The following CFAP43 variants were observed in gnomAD, a reference collection of about 807,000 sequenced individuals.
CFAP43 encodes the protein cilia and flagella associated protein 43.
Under a neutral mutation model 218.9 loss-of-function variants are expected in CFAP43, and 155 were observed. That is an observed-to-expected ratio of 0.71 (90% CI 0.62 to 0.81). The LOEUF is 0.81. CFAP43 is among the 30% of genes least tolerant of loss of function. The pLI, the probability that CFAP43 is intolerant of heterozygous loss-of-function variation, is 0.00. For synonymous variants in CFAP43, 645 were observed against 681.3 expected, an observed-to-expected ratio of 0.95 and a Z score of 0.83; for missense variants, 1,778 against 1,954.3, an observed-to-expected ratio of 0.91 and a Z score of 1.70.
chr10:104,220,758 G>A (rs928932412), intron 3 of CFAP43, among the ~76,000 whole-genome samples: 3 of 152,076 alleles, frequency 2.0e-5, no homozygotes, highest in Non-Finnish European at 2.9e-5. Context: ...TAACAGCCTC[G>A]ATGTGATAAA....
chr10:104,170,479 G>T (rs924342477), intron 20 of CFAP43, among the ~76,000 whole-genome samples: 2 of 152,096 alleles, frequency 1.3e-5, no homozygotes, highest in African/African-American at 4.8e-5. Context: ...GAAGCGGGCA[G>T]GCACTGAACC....
At chr10:104,220,157 G>A (rs2091137874) in intron 3 of CFAP43, among the ~76,000 whole-genome samples, 1 of 152,224 alleles carries the variant, frequency 6.6e-6, no homozygotes, top group East Asian at 1.9e-4. Context: ...TGGGTGATGT[G>A]TCTGTAAGCC....
At chr10:104,168,684 T>C (rs781534378) in intron 21 of CFAP43, 60 bp downstream of exon 21, 4 of 1,412,758 alleles carry the variant, frequency 2.8e-6, no homozygotes, top group Non-Finnish European at 4.0e-6. Flanking sequence ...TTTTTAAAAC[T>C]TTCCTGAGCT....
chr10:104,146,415 G>A lies in CFAP43; in HGVS notation c.3769-66C>T, dbSNP rs1447013650. The A allele has an allele frequency of 3.3e-6, 4 of 1,227,764 alleles. No homozygotes were observed. The East Asian group carries it at 9.4e-5, about 29-fold the overall frequency. The allele number at this position is 1,227,764 out of a possible 1,614,324, so 76.1% of individuals were successfully genotyped here. A position where few individuals can be genotyped will look rare whatever the true frequency, so the allele number is the denominator to read the frequency against. On this transcript the variant is annotated intron_variant, in intron 29 of 37. Coordinates refer to ENST00000357060, the MANE Select transcript of CFAP43 (RefSeq NM_025145.7). Reference sequence around the variant, plus strand: ...TTCCAGCATAAACAAAAATATTGGGGATACTAAAAAGAGCAAGGAATTTCC... The same window carrying A: ...TTCCAGCATAAACAAAAATATTGGGAATACTAAAAAGAGCAAGGAATTTCC...
chr10:104,148,542 A>G (rs1247924064), intron 28 of CFAP43, among the ~76,000 whole-genome samples: 1 of 152,104 alleles, frequency 6.6e-6, no homozygotes, highest in Non-Finnish European at 1.5e-5. Flanking sequence ...TCATGAATAG[A>G]TCAATTCCCT....
At position 104,191,017 on chromosome 10, in the gene CFAP43, G is replaced by A. The variant is rs529037433; in HGVS notation, c.1546+1182C>T. Among the ~76,000 whole-genome samples the A allele has an allele frequency of 1.1e-4, 16 of 152,346 alleles. No homozygotes were observed. In the South Asian group the frequency reaches 3.1e-3, roughly 30 times the overall value. On this transcript the variant is annotated intron_variant, in intron 12 of 37. Coordinates refer to ENST00000357060, the MANE Select transcript of CFAP43 (RefSeq NM_025145.7). ...GGCTTAGAATACTGGCTACCACATA[G>A]TCAGGCATTCCTCAATAAGTGTTGG...
rs2091471377 is a variant in CFAP43 at position 104,232,259 on chromosome 10, C to T, written c.-13G>A. ...GGCCTTGCGCCATGGGCAGTGTTTT[C>T]CTCAGGCGGGAGCAGGCAGCGCACG... On this transcript the variant is annotated 5_prime_UTR_variant, in exon 1 of 38. Transcript: ENST00000357060. 6 of 1,597,734 alleles carry T rather than the reference C, an allele frequency of 3.8e-6. No individual in the cohort carries two copies. The highest frequency in any genetic ancestry group is 5.1e-6 in the Non-Finnish European group (6 of 1,174,062).
chr10:104,155,101 G>C (rs1429176467), intron 27 of CFAP43, among the ~76,000 whole-genome samples: 1 of 152,168 alleles, frequency 6.6e-6, no homozygotes, highest in African/African-American at 2.4e-5. Context: ...CTGATTCCCA[G>C]GGTTGGGAGA....
chr10:104,206,339 C>T (rs1384930149), intron 6 of CFAP43, among the ~76,000 whole-genome samples: 1 of 152,096 alleles, frequency 6.6e-6, no homozygotes, highest in Non-Finnish European at 1.5e-5. Flanking sequence ...ATGGGGAAAA[C>T]TTGCTGGAGG....
At chr10:104,174,567 A>C (rs1450800179) in intron 19 of CFAP43, among the ~76,000 whole-genome samples, 2 of 152,234 alleles carry the variant, frequency 1.3e-5, no homozygotes, top group South Asian at 2.1e-4. Context: ...CAGCCAAACC[A>C]TATCACCAAT....
At chr10:104,168,640 A>T in intron 21 of CFAP43, 104 bp downstream of exon 21, 1 of 878,758 alleles carries the variant, frequency 1.1e-6, no homozygotes, top group Non-Finnish European at 1.8e-6. Context: ...CCATGCTCTC[A>T]GTGCTTTGCT....
intron 21 of CFAP43, among the ~76,000 whole-genome samples, chr10:104,168,318 G>A (rs1189533516): frequency 6.6e-6 from 1 of 152,166 alleles, no homozygotes; most frequent in Admixed American, 6.5e-5. Context: ...GAGACTTTTG[G>A]TCACCCTACA....
At chr10:104,212,252 T>C (rs1388193347) in intron 4 of CFAP43, 95 bp from the exon 5 acceptor site, 12 of 1,244,026 alleles carry the variant, frequency 9.6e-6, no homozygotes, top group African/African-American at 1.5e-5. Flanking sequence ...GGGGAGGTAT[T>C]ATAACTTGCA....
chr10:104,133,856 T>A, intron 34 of CFAP43, 72 bp from the exon 35 acceptor site: 218 of 1,199,540 alleles, frequency 1.8e-4, no homozygotes, highest in Middle Eastern at 2.5e-4. Context: ...TGAGGCTGAA[T>A]GCTATTTTTA....
intron 23 of CFAP43, among the ~76,000 whole-genome samples, chr10:104,164,651 G>C (rs923436476): frequency 6.6e-6 from 1 of 152,146 alleles, no homozygotes; most frequent in Non-Finnish European, 1.5e-5. Flanking sequence ...ACCTGCCTCG[G>C]CCTCCCAAAG....
rs776767829 is a variant in CFAP43 at position 104,132,099 on chromosome 10, A to G, written c.4677+17T>C. ...TACAACTGTTAGGATATAATAACCA[A>G]CGTCTTTGAGACTTACCTTATCTAA... On this transcript the variant is annotated intron_variant, in intron 36 of 37. Coordinates refer to ENST00000357060, the MANE Select transcript of CFAP43 (RefSeq NM_025145.7). The G allele has an allele frequency of 1.3e-6, 2 of 1,566,386 alleles. No homozygotes were observed. Among genetic ancestry groups the G allele is most frequent in the Non-Finnish European group, 1.7e-6 (2 of 1,152,730 alleles).
chr10:104,139,035 ATCTG>A (rs889967144), intron 34 of CFAP43, among the ~76,000 whole-genome samples: 6 of 152,224 alleles, frequency 3.9e-5, no homozygotes, highest in African/African-American at 1.2e-4. Context: ...AAGTCTATCT[ATCTG>A]TCTGTCTATC....
intron 29 of CFAP43, among the ~76,000 whole-genome samples, chr10:104,146,738 AATC>A (rs139626290): frequency 1.2e-3 from 186 of 152,292 alleles, no homozygotes; most frequent in African/African-American, 3.6e-3. Flanking sequence ...CAACCTCTAC[AATC>A]ATCAGCTGGG....
chr10:104,225,738 C>T (rs1030651272), intron 2 of CFAP43, among the ~76,000 whole-genome samples, 181 bp from the exon 3 acceptor site: 3 of 152,152 alleles, frequency 2.0e-5, no homozygotes, highest in Non-Finnish European at 4.4e-5. Flanking sequence ...TAGAGCAAAG[C>T]TAAGATCCAT....
Sources: gnomAD v4.1 joint callset for allele counts (sites outside exome capture counted in the v4.1 genomes callset) on GRCh38, gnomAD v4.1.1 for gene constraint, MANE v1.5 for transcripts, NCBI Gene and HGNC (gene_info 2026-07-23, HGNC 2026-07-21) for gene names.